The following NLGN1 variants were observed in gnomAD, a reference collection of about 807,000 sequenced individuals.
NLGN1 encodes the protein neuroligin 1.
A neutral mutation model predicts 65.5 loss-of-function variants in NLGN1; 12 were observed. The ratio of observed to expected loss-of-function variants is 0.18; its 90% CI spans 0.12 to 0.30. The LOEUF is 0.30. NLGN1 is among the 10% of genes least tolerant of loss of function. The probability of loss-of-function intolerance (pLI) is 1.00; values close to 1 mark genes in which losing one functional copy is unlikely to be tolerated. For synonymous variants in NLGN1, 350 were observed against 359.5 expected, an observed-to-expected ratio of 0.97 and a Z score of 0.30; for missense variants, 750 against 1,007.1, an observed-to-expected ratio of 0.74 and a Z score of 3.46.
intron 4 of NLGN1, among the ~76,000 whole-genome samples, chr3:174,066,371 G>A (rs1172600758): frequency 6.6e-6 from 1 of 152,004 alleles, no homozygotes; most frequent in Non-Finnish European, 1.5e-5. Flanking sequence ...TCAAGATAAG[G>A]TATTTATTTC....
intron 4 of NLGN1, among the ~76,000 whole-genome samples, chr3:174,044,488 C>G (rs958260594): frequency 6.6e-6 from 1 of 152,148 alleles, no homozygotes; most frequent in African/African-American, 2.4e-5. Flanking sequence ...CAGCAGATCT[C>G]TAGGGCAGGG....
At chr3:173,491,991 G>A (rs548436) in intron 2 of NLGN1, among the ~76,000 whole-genome samples, 119,580 of 151,454 alleles carry the variant, frequency 0.79, 48,510 homozygotes, top group East Asian at 0.97. Flanking sequence ...TCTCACTTGA[G>A]TGCTGTAATT....
chr3:173,964,736 T>G (rs1298408487), intron 4 of NLGN1, among the ~76,000 whole-genome samples: 2 of 152,204 alleles, frequency 1.3e-5, no homozygotes, highest in Non-Finnish European at 2.9e-5. Context: ...TGTATGGCAG[T>G]TTGATTTTGC....
At chr3:173,598,558 G>GTTCCCTAATTTAGTGT (rs1749903305) in intron 2 of NLGN1, among the ~76,000 whole-genome samples, 1 of 151,972 alleles carries the variant, frequency 6.6e-6, no homozygotes, top group African/African-American at 2.4e-5. Context: ...ATGGCTTTTC[G>GTTCCCTAATTTAGTGT]TCATCTAGAG....
intron 4 of NLGN1, among the ~76,000 whole-genome samples, chr3:173,929,949 C>A (rs1195383011): frequency 1.3e-5 from 2 of 152,152 alleles, no homozygotes; most frequent in Non-Finnish European, 2.9e-5. Context: ...GGTGGATCCG[C>A]CTGCCTCAGC....
At chr3:173,640,789 T>TTGCG (rs1757295670) in intron 3 of NLGN1, among the ~76,000 whole-genome samples, 1 of 152,216 alleles carries the variant, frequency 6.6e-6, no homozygotes, top group Non-Finnish European at 1.5e-5. Context: ...CAAACGTTGC[T>TTGCG]TACAATAATT....
At chr3:173,600,488 A>C (rs1266503591) in intron 2 of NLGN1, among the ~76,000 whole-genome samples, 2 of 151,982 alleles carry the variant, frequency 1.3e-5, no homozygotes, top group African/African-American at 4.8e-5. Context: ...CACATATGCA[A>C]AGTCTTGCCC....
At chr3:174,111,147 A>G (rs1038317560) in intron 4 of NLGN1, among the ~76,000 whole-genome samples, 2 of 151,974 alleles carry the variant, frequency 1.3e-5, no homozygotes, top group East Asian at 3.8e-4. Flanking sequence ...ATTAGATTTT[A>G]CATTTTGCTA....
At chr3:174,072,195 A>T (rs919182790) in intron 4 of NLGN1, among the ~76,000 whole-genome samples, 14 of 152,212 alleles carry the variant, frequency 9.2e-5, no homozygotes, top group African/African-American at 3.4e-4. Context: ...TGGTAATTGC[A>T]TGCTCCTTTC....
At chr3:173,913,318 G>A (rs542609717) in intron 4 of NLGN1, among the ~76,000 whole-genome samples, 1 of 152,166 alleles carries the variant, frequency 6.6e-6, no homozygotes, top group Non-Finnish European at 1.5e-5. Context: ...ATGCATTTGT[G>A]TTCAAATTTG....
intron 2 of NLGN1, among the ~76,000 whole-genome samples, chr3:173,470,353 G>T (rs938070254): frequency 6.6e-6 from 1 of 151,786 alleles, no homozygotes; most frequent in African/African-American, 2.4e-5. Flanking sequence ...TCATATTTTT[G>T]GGGATTTCTT....
At chr3:174,024,176 G>T (rs1359381308) in intron 4 of NLGN1, among the ~76,000 whole-genome samples, 1 of 146,336 alleles carries the variant, frequency 6.8e-6, no homozygotes, top group East Asian at 2.0e-4. Flanking sequence ...ACACGGGCTG[G>T]ACCATAGTTA....
At chr3:173,406,840 GA>G (rs1718796472) in intron 1 of NLGN1, among the ~76,000 whole-genome samples, 1 of 152,034 alleles carries the variant, frequency 6.6e-6, no homozygotes, top group African/African-American at 2.4e-5. Context: ...TCACCACAGA[GA>G]AAACACTGTG....
chr3:173,698,855 GTTGT>G (rs201682832), intron 3 of NLGN1, among the ~76,000 whole-genome samples: 8,294 of 151,780 alleles, frequency 0.055, 291 homozygotes, highest in South Asian at 0.089. Flanking sequence ...AATTTTTTTT[GTTGT>G]TTGTTTGTTT....
At chr3:174,157,587 C>G (rs1725688133) in intron 4 of NLGN1, among the ~76,000 whole-genome samples, 1 of 151,680 alleles carries the variant, frequency 6.6e-6, no homozygotes, top group African/African-American at 2.4e-5. Context: ...CAATGATGGT[C>G]TTCAGTAAAT....
chr3:174,234,927 T>C (rs1741395528), intron 4 of NLGN1, among the ~76,000 whole-genome samples: 1 of 151,464 alleles, frequency 6.6e-6, no homozygotes, highest in African/African-American at 2.4e-5. Flanking sequence ...GATACTCCCT[T>C]TGATGCATTT....
chr3:173,809,102 C>CA (rs1560415344), intron 4 of NLGN1, among the ~76,000 whole-genome samples: 3 of 74,982 alleles, frequency 4.0e-5, no homozygotes, highest in Non-Finnish European at 1.0e-4. Flanking sequence ...AGATGCACTG[C>CA]GTAAGTGTAG....
intron 4 of NLGN1, among the ~76,000 whole-genome samples, chr3:174,099,640 T>A (rs542823192): frequency 6.6e-6 from 1 of 152,244 alleles, no homozygotes; most frequent in East Asian, 1.9e-4. Context: ...TAGAAATCAG[T>A]GATTATTTTA....
intron 4 of NLGN1, among the ~76,000 whole-genome samples, chr3:173,849,869 T>G (rs1726552636): frequency 1.3e-5 from 2 of 152,190 alleles, no homozygotes; most frequent in Non-Finnish European, 2.9e-5. Context: ...TGTTCTTTCA[T>G]AAGTGTGATT....
Sources: allele counts gnomAD v4.1 joint callset (sites outside exome capture counted in the v4.1 genomes callset), GRCh38; gene constraint gnomAD v4.1.1; transcripts MANE v1.5; gene names NCBI Gene and HGNC (gene_info 2026-07-23, HGNC 2026-07-21).